Variants in MOCOS observed in about 807,000 individuals in gnomAD.
The protein encoded by MOCOS is molybdenum cofactor sulfurase.
A neutral mutation model predicts 83.6 loss-of-function variants in MOCOS; 86 were observed. The ratio of observed to expected loss-of-function variants is 1.03; its 90% CI spans 0.86 to 1.23. The LOEUF (loss-of-function observed/expected upper bound fraction) is 1.23, where lower values mean the gene tolerates loss of function less well. Among genes scored for constraint, MOCOS ranks in the 50% most tolerant of loss-of-function variants. MOCOS has a pLI of 0.00. For missense variants in MOCOS, 1,120 were observed against 1,126.9 expected (o/e 0.99, Z 0.09); for synonymous variants, 445 against 434.7 (o/e 1.02, Z -0.29).
Position 36,200,324 on chromosome 18 carries a change from G to A in MOCOS, c.941G>A (p.Arg314Lys), listed in dbSNP as rs774641649. Reference sequence around the variant, plus strand: ...ATCCCGAGGCAGTCGGTAGCTCAGAGGTAACCTTGCCACAGGGGAGGGGTC... The same window carrying A: ...ATCCCGAGGCAGTCGGTAGCTCAGAAGTAACCTTGCCACAGGGGAGGGGTC... ...FYIPRQSVAQ[R>K]FEDGTISFLD... Residue 314 changes from arginine to lysine, a missense_variant and splice_region_variant, in exon 4 of 15, where the codon AGG becomes AAG. Arg to Lys is a conservative substitution (Grantham distance 26, BLOSUM62 2). Transcript: ENST00000261326. 2.5e-6 allele frequency: 4 copies of A among 1,613,962 alleles called. No homozygotes were observed. Among genetic ancestry groups the A allele is most frequent in the Middle Eastern group, 1.6e-4 (1 of 6,062 alleles).
At chr18:36,253,664 CAA>C (rs56823164) in intron 11 of MOCOS, among the ~76,000 whole-genome samples, 38 of 123,994 alleles carry the variant, frequency 3.1e-4, no homozygotes, top group Admixed American at 3.4e-4. Context: ...GACTCTGTCT[CAA>C]AAAAAAAAAA....
At chr18:36,220,329 G>T in intron 9 of MOCOS, 112 bp downstream of exon 9, 2 of 1,281,598 alleles carry the variant, frequency 1.6e-6, no homozygotes, top group Non-Finnish European at 1.1e-6. Flanking sequence ...AATACAGTGA[G>T]ACCTCATCTC....
intron 13 of MOCOS, among the ~76,000 whole-genome samples, chr18:36,261,692 G>T (rs1007273731): frequency 6.6e-6 from 1 of 152,126 alleles, no homozygotes; most frequent in Non-Finnish European, 1.5e-5. Context: ...CCCTTGACAA[G>T]CAATCTATAT....
intron 8 of MOCOS, among the ~76,000 whole-genome samples, chr18:36,219,520 A>G (rs2091487893): frequency 6.6e-6 from 1 of 152,002 alleles, no homozygotes; most frequent in Non-Finnish European, 1.5e-5. Context: ...CTTTACTAAA[A>G]ATACAAAACT....
chr18:36,195,569 CAGA>C (rs1212963127), intron 2 of MOCOS, among the ~76,000 whole-genome samples: 1 of 152,152 alleles, frequency 6.6e-6, no homozygotes, highest in East Asian at 1.9e-4. Context: ...AGGTTACTAC[CAGA>C]AGAAGAGGCC....
chr18:36,217,448 T>A, intron 8 of MOCOS, among the ~76,000 whole-genome samples: 1 of 152,180 alleles, frequency 6.6e-6, no homozygotes, highest in East Asian at 1.9e-4. Context: ...TGAGGGTAGC[T>A]GGGCTCCCTT....
intron 12 of MOCOS, among the ~76,000 whole-genome samples, chr18:36,258,364 C>T (rs956234948): frequency 1.3e-5 from 2 of 152,170 alleles, no homozygotes; most frequent in Admixed American, 6.5e-5. Flanking sequence ...GGACATAAAA[C>T]ATGCCCTTTT....
chr18:36,262,535 G>A (rs1363796255), intron 13 of MOCOS, among the ~76,000 whole-genome samples: 1 of 152,134 alleles, frequency 6.6e-6, no homozygotes, highest in African/African-American at 2.4e-5. Context: ...GTCTTACTCT[G>A]TTGTCCAGGC....
At chr18:36,260,757 C>T (rs753945171) in intron 13 of MOCOS, among the ~76,000 whole-genome samples, 1 of 151,996 alleles carries the variant, frequency 6.6e-6, no homozygotes, top group East Asian at 1.9e-4. Context: ...AAAATCTGTG[C>T]TCCTCACATG....
intron 11 of MOCOS, among the ~76,000 whole-genome samples, chr18:36,254,766 C>A (rs139727193): frequency 2.8e-4 from 43 of 152,030 alleles, no homozygotes; most frequent in African/African-American, 9.2e-4. Context: ...TGACTACTAC[C>A]CTATCATACT....
chr18:36,260,004 C>T (rs956568142), intron 12 of MOCOS, 33 bp from the exon 13 acceptor site: 1 of 1,613,604 alleles, frequency 6.2e-7, no homozygotes, highest in African/African-American at 1.3e-5. Context: ...TGCCATCCTC[C>T]CCCTACTTAC....
chr18:36,256,436 C>G (rs1228280683), intron 11 of MOCOS, among the ~76,000 whole-genome samples: 1 of 152,058 alleles, frequency 6.6e-6, no homozygotes, highest in Non-Finnish European at 1.5e-5. Context: ...CAGCATTTTT[C>G]ATTTTATTTT....
At chr18:36,193,013 T>C (rs2091372053) in intron 1 of MOCOS, among the ~76,000 whole-genome samples, 1 of 152,062 alleles carries the variant, frequency 6.6e-6, no homozygotes, top group Non-Finnish European at 1.5e-5. Flanking sequence ...CAAAACTTAC[T>C]ACAAAGTTAC....
rs140350056 is a variant in MOCOS, at chr18:36,187,497, G to T, written c.-43G>T. 44,729 of 1,226,352 alleles carry T rather than the reference G, an allele frequency of 0.036. 909 individuals are homozygous for T. Among genetic ancestry groups the T allele is most frequent in the Non-Finnish European group, 0.041 (39,976 of 983,972 alleles). 76.0% of individuals were successfully genotyped at this position (1,226,352 alleles called of 1,614,324 possible). A position where few individuals can be genotyped will look rare whatever the true frequency, so the allele number is the denominator to read the frequency against. On this transcript the variant is annotated 5_prime_UTR_variant, in exon 1 of 15. Coordinates refer to ENST00000261326, the MANE Select transcript of MOCOS (RefSeq NM_017947.4). Reference sequence around the variant, plus strand: ...CGGAGTCGCCGGGGGCCGGCTTCGCGCACTTCCCGGGCCCGGCCGGCCTGG... The same window carrying T: ...CGGAGTCGCCGGGGGCCGGCTTCGCTCACTTCCCGGGCCCGGCCGGCCTGG...
At chr18:36,204,322 G>A (rs1052242156) in intron 5 of MOCOS, among the ~76,000 whole-genome samples, 13 of 151,918 alleles carry the variant, frequency 8.6e-5, no homozygotes, top group East Asian at 3.9e-4. Context: ...AGAATCATAC[G>A]ACATTTGTCC....
chr18:36,270,841 G>A lies in MOCOS; in HGVS notation c.*2156G>A, dbSNP rs1340913292. The A allele has an allele frequency of 1.3e-5, 2 of 148,662 alleles. No individual in the cohort carries two copies. Among genetic ancestry groups the A allele is most frequent in the Non-Finnish European group, 2.9e-5 (2 of 68,068 alleles). 9.2% of individuals were successfully genotyped at this position (148,662 alleles called of 1,614,324 possible). On this transcript the variant is annotated 3_prime_UTR_variant, in exon 15 of 15. Coordinates refer to ENST00000261326, the MANE Select transcript of MOCOS (RefSeq NM_017947.4). Reference sequence around the variant, plus strand: ...AGGCTTTTTGTTTTTTTGAGACAGGGTCTCACTCTGTCACCCAGGCTGGAG... The same window carrying A: ...AGGCTTTTTGTTTTTTTGAGACAGGATCTCACTCTGTCACCCAGGCTGGAG...
chr18:36,203,234 C>T lies in MOCOS; in HGVS notation c.1018+45C>T, dbSNP rs762459136. On this transcript the variant is annotated intron_variant, in intron 5 of 14. Coordinates refer to ENST00000261326, the MANE Select transcript of MOCOS (RefSeq NM_017947.4). ...CCTGTGGAATTTGCTCCTGTTGTGT[C>T]CTTGAGGGAGCTCTGGCACAGGTGT... The T allele has an allele frequency of 1.4e-5, 21 of 1,551,190 alleles. No homozygotes were observed. In the Admixed American group the frequency reaches 3.5e-4, roughly 26 times the overall value.
Position 36,248,865 on chromosome 18 carries a change from T to C in MOCOS, c.1961-57T>C. On this transcript the variant is annotated intron_variant, in intron 9 of 14. Transcript: ENST00000261326. ...TACAGCTTTGTAGTATATTTTGAAGTCAAGTAGCTGTTGTTTTTACATAAT... is the reference window on the plus strand; with the variant it reads ...TACAGCTTTGTAGTATATTTTGAAGCCAAGTAGCTGTTGTTTTTACATAAT... The C allele has an allele frequency of 5.0e-6, 7 of 1,406,400 alleles. No homozygotes were observed. The South Asian group carries it at 7.0e-5, about 14-fold the overall frequency. The allele number at this position is 1,406,400 out of a possible 1,614,324, so 87.1% of individuals were successfully genotyped here. A position where few individuals can be genotyped will look rare whatever the true frequency, so the allele number is the denominator to read the frequency against.
intron 9 of MOCOS, among the ~76,000 whole-genome samples, chr18:36,239,753 C>G (rs1382735257): frequency 6.7e-5 from 10 of 149,280 alleles, no homozygotes; most frequent in East Asian, 3.9e-4. Flanking sequence ...TCCATTCTCC[C>G]CATCACTTTC....
Sources: gnomAD v4.1 joint callset for allele counts (sites outside exome capture counted in the v4.1 genomes callset) on GRCh38, gnomAD v4.1.1 for gene constraint, MANE v1.5 for transcripts, NCBI Gene and HGNC (gene_info 2026-07-23, HGNC 2026-07-21) for gene names.